The following ADAM12 variants were observed in gnomAD, a reference collection of about 807,000 sequenced individuals.
ADAM12 encodes ADAM metallopeptidase domain 12.
Under a neutral mutation model 106.4 loss-of-function variants are expected in ADAM12, and 70 were observed. The observed-to-expected ratio is 0.66, with a 90% confidence interval of 0.54 to 0.80. The LOEUF (loss-of-function observed/expected upper bound fraction) is 0.80, where lower values mean the gene tolerates loss of function less well. ADAM12 is among the 30% of genes least tolerant of loss of function. The pLI, the probability that ADAM12 is intolerant of heterozygous loss-of-function variation, is 0.00. For missense variants in ADAM12, 1,010 were observed against 1,171.9 expected, an observed-to-expected ratio of 0.86 and a Z score of 2.02; for synonymous variants, 420 against 433.5, an observed-to-expected ratio of 0.97 and a Z score of 0.39.
At chr10:126,025,549 C>T (rs1386353837) in intron 21 of ADAM12, among the ~76,000 whole-genome samples, 1 of 151,980 alleles carries the variant, frequency 6.6e-6, no homozygotes, top group Non-Finnish European at 1.5e-5. Flanking sequence ...GTAGAGAGAC[C>T]AAATCTACAA....
intron 3 of ADAM12, among the ~76,000 whole-genome samples, chr10:126,229,764 C>T (rs1590651860): frequency 6.6e-6 from 1 of 152,022 alleles, no homozygotes; most frequent in Non-Finnish European, 1.5e-5. Context: ...GAACCCCCTT[C>T]GTGCTCTGTT....
At chr10:126,141,717 GC>G (rs1956515006) in intron 4 of ADAM12, among the ~76,000 whole-genome samples, 1 of 152,168 alleles carries the variant, frequency 6.6e-6, no homozygotes, top group Non-Finnish European at 1.5e-5. Flanking sequence ...CATTTTATAT[GC>G]TTAAGTGGTA....
chr10:126,105,355 A>G (rs1219191805), intron 8 of ADAM12, among the ~76,000 whole-genome samples: 1 of 152,110 alleles, frequency 6.6e-6, no homozygotes, highest in Non-Finnish European at 1.5e-5. Flanking sequence ...GGTTTAATAT[A>G]GTTTATCATT....
At chr10:126,022,862 A>AT (rs1238011512) in intron 21 of ADAM12, among the ~76,000 whole-genome samples, 1 of 152,246 alleles carries the variant, frequency 6.6e-6, no homozygotes, top group African/African-American at 2.4e-5. Context: ...TGCTATTAAT[A>AT]TGCTATTAAA....
At chr10:126,188,894 A>T (rs369939804) in intron 3 of ADAM12, among the ~76,000 whole-genome samples, 2 of 151,964 alleles carry the variant, frequency 1.3e-5, no homozygotes, top group African/African-American at 4.8e-5. Flanking sequence ...CCTTTCATTC[A>T]TCTATCTGTC....
intron 3 of ADAM12, among the ~76,000 whole-genome samples, chr10:126,231,831 T>C (rs1264349331): frequency 2.6e-5 from 4 of 152,194 alleles, no homozygotes; most frequent in South Asian, 2.1e-4. Flanking sequence ...ATGAACGGGA[T>C]TGGTCCTTGA....
intron 3 of ADAM12, among the ~76,000 whole-genome samples, chr10:126,216,698 T>C (rs1366614173): frequency 1.3e-5 from 2 of 152,242 alleles, no homozygotes; most frequent in Non-Finnish European, 1.5e-5. Flanking sequence ...ATTTGGAATG[T>C]TGAATGTATA....
intron 21 of ADAM12, among the ~76,000 whole-genome samples, chr10:126,027,108 C>T (rs1953887957): frequency 6.6e-6 from 1 of 152,156 alleles, no homozygotes; most frequent in African/African-American, 2.4e-5. Flanking sequence ...TCAGAGAATA[C>T]TATAAACACC....
intron 3 of ADAM12, among the ~76,000 whole-genome samples, chr10:126,170,924 T>G (rs1674941): frequency 0.028 from 4,257 of 152,256 alleles, 219 homozygotes; most frequent in African/African-American, 0.098. Flanking sequence ...TAAGATCTAA[T>G]GCTGTCGAGA....
rs550317074 is a variant in ADAM12 at position 126,278,390 on chromosome 10, G to T, written c.260+525C>A. ...ATAGTATCCAAGCGGCCCAGAAAAA[G>T]CCATAATGCCATTTTCTGGAAATTT... On this transcript the variant is annotated intron_variant, in intron 3 of 22. Transcript: ENST00000448723. Among the ~76,000 whole-genome samples, 538 of 152,242 alleles carry T rather than the reference G, an allele frequency of 3.5e-3. 2 individuals carry two copies. Among genetic ancestry groups the T allele is most frequent in the Non-Finnish European group, 5.7e-3 (385 of 68,006 alleles).
At chr10:126,311,094 T>TACACAC (rs67514376) in intron 2 of ADAM12, among the ~76,000 whole-genome samples, 19,895 of 138,348 alleles carry the variant, frequency 0.14, 1,562 homozygotes, top group Middle Eastern at 0.22. Context: ...TACACACAAA[T>TACACAC]ACACACACAC....
chr10:126,262,326 T>C (rs1427017414), intron 3 of ADAM12, among the ~76,000 whole-genome samples: 1 of 152,000 alleles, frequency 6.6e-6, no homozygotes, highest in Middle Eastern at 3.2e-3. Context: ...ATGCCAATGA[T>C]TATAGGAAAA....
rs1441598267 is a variant in ADAM12 at position 126,039,447 on chromosome 10, G to A, written c.2105-18C>T. ...TTGGTTATCTGAAACAAAACACATG[G>A]GGCTCACAGAAGGAGGCAGTTACAA... On this transcript the variant is annotated intron_variant, in intron 18 of 22. Transcript: ENST00000448723. The A allele has an allele frequency of 5.0e-6, 8 of 1,613,736 alleles. No homozygotes were observed. The highest frequency in any genetic ancestry group is 6.8e-6 in the Non-Finnish European group (8 of 1,179,766).
chr10:126,368,271 T>A (rs760651998), intron 1 of ADAM12, among the ~76,000 whole-genome samples: 3 of 151,778 alleles, frequency 2.0e-5, no homozygotes, highest in African/African-American at 4.8e-5. Flanking sequence ...TTATTTATAT[T>A]AAAACTCTTC....
chr10:126,164,407 G>T lies in ADAM12; in HGVS notation c.261-9102C>A, dbSNP rs188574692. Among the ~76,000 whole-genome samples the T allele has an allele frequency of 4.6e-5, 7 of 152,252 alleles. No homozygotes were observed. In the East Asian group the frequency reaches 1.2e-3, roughly 25 times the overall value. On this transcript the variant is annotated intron_variant, in intron 3 of 22. Coordinates refer to ENST00000448723, the MANE Select transcript of ADAM12 (RefSeq NM_001288973.2). The stretch of plus-strand genomic sequence containing the variant: ...TGGTATTCGAACAAAGCATCCAACC[G>T]AGTTTTTTGCTGAAGATTTACTTTA...
At position 126,106,116 on chromosome 10, in the gene ADAM12, C is replaced by T. The variant is rs147039512; in HGVS notation, c.741+2477G>A. On this transcript the variant is annotated intron_variant, in intron 8 of 22. Coordinates refer to ENST00000448723, the MANE Select transcript of ADAM12 (RefSeq NM_001288973.2). ...TGCCCCTCCACTCCAACGAAACTGG[C>T]GGTCATGTGGTCTCCCACTCGCCCT... Among the ~76,000 whole-genome samples the T allele has an allele frequency of 3.8e-3, 582 of 152,198 alleles. 6 individuals carry two copies. The highest frequency in any genetic ancestry group is 0.013 in the African/African-American group (528 of 41,530).
At chr10:126,381,926 G>A (rs1045840035) in intron 1 of ADAM12, among the ~76,000 whole-genome samples, 1 of 151,298 alleles carries the variant, frequency 6.6e-6, no homozygotes, top group African/African-American at 2.4e-5. Context: ...AGTGAGCTAT[G>A]ATTGCACCAC....
At chr10:126,267,448 C>A (rs1448844955) in intron 3 of ADAM12, among the ~76,000 whole-genome samples, 2 of 152,282 alleles carry the variant, frequency 1.3e-5, no homozygotes, top group East Asian at 3.9e-4. Context: ...CCCTGAGCTG[C>A]TTTTTCTGCA....
chr10:126,218,253 C>G (rs1376522953), intron 3 of ADAM12, among the ~76,000 whole-genome samples: 2 of 152,142 alleles, frequency 1.3e-5, no homozygotes, highest in Non-Finnish European at 2.9e-5. Flanking sequence ...CTATAATACA[C>G]GTGCCCCGAC....
Sources: gnomAD v4.1 joint callset for allele counts (sites outside exome capture counted in the v4.1 genomes callset) on GRCh38, gnomAD v4.1.1 for gene constraint, MANE v1.5 for transcripts, NCBI Gene and HGNC (gene_info 2026-07-23, HGNC 2026-07-21) for gene names.